The following SCFD2 variants were observed in gnomAD, a reference collection of about 807,000 sequenced individuals.
SCFD2 encodes the protein sec1 family domain-containing protein 2.
A neutral mutation model predicts 58.9 loss-of-function variants in SCFD2; 54 were observed. That is an observed-to-expected ratio of 0.92 (90% CI 0.74 to 1.15). The LOEUF (loss-of-function observed/expected upper bound fraction) is 1.15, where lower values mean the gene tolerates loss of function less well. Ranked by LOEUF, SCFD2 falls within the 50% of genes most tolerant of loss-of-function variation. The probability of loss-of-function intolerance (pLI) is 0.00; values close to 1 mark genes in which losing one functional copy is unlikely to be tolerated. For missense variants in SCFD2, 805 were observed against 836.6 expected, an observed-to-expected ratio of 0.96 and a Z score of 0.47; for synonymous variants, 321 against 335.9, an observed-to-expected ratio of 0.96 and a Z score of 0.49.
At chr4:53,220,954 A>G (rs1001550429) in intron 4 of SCFD2, among the ~76,000 whole-genome samples, 5 of 152,246 alleles carry the variant, frequency 3.3e-5, no homozygotes, top group African/African-American at 1.2e-4. Context: ...AATTAATCTC[A>G]CCTGCATCGT....
chr4:53,355,549 C>T (rs1734376590), intron 1 of SCFD2, among the ~76,000 whole-genome samples: 1 of 152,154 alleles, frequency 6.6e-6, no homozygotes, highest in South Asian at 2.1e-4. Flanking sequence ...TATTGAGGAT[C>T]TACCTCAATC....
chr4:52,897,569 T>C (rs533806753), intron 7 of SCFD2, among the ~76,000 whole-genome samples: 3 of 152,314 alleles, frequency 2.0e-5, no homozygotes, highest in East Asian at 3.9e-4. Context: ...TAGTATTTTA[T>C]TGAGGATTTT....
At chr4:53,189,622 C>G (rs1448821663) in intron 4 of SCFD2, among the ~76,000 whole-genome samples, 4 of 152,126 alleles carry the variant, frequency 2.6e-5, no homozygotes, top group African/African-American at 9.7e-5. Flanking sequence ...CCCTCATGAC[C>G]TCATCTAAAC....
intron 5 of SCFD2, among the ~76,000 whole-genome samples, chr4:53,129,513 C>T (rs1011311535): frequency 1.3e-5 from 2 of 152,202 alleles, no homozygotes; most frequent in Non-Finnish European, 2.9e-5. Context: ...ATCTTCCATT[C>T]TCACATCATA....
At chr4:53,004,112 A>G (rs967528061) in intron 5 of SCFD2, among the ~76,000 whole-genome samples, 1 of 152,254 alleles carries the variant, frequency 6.6e-6, no homozygotes, top group Non-Finnish European at 1.5e-5. Context: ...AAAAAGAAGC[A>G]GTACTTAGGT....
chr4:53,312,200 GT>G (rs973259367), intron 3 of SCFD2, among the ~76,000 whole-genome samples: 6 of 152,210 alleles, frequency 3.9e-5, no homozygotes, highest in South Asian at 4.1e-4. Context: ...CTGCTAAATT[GT>G]TTTTAGTATG....
intron 5 of SCFD2, among the ~76,000 whole-genome samples, chr4:52,972,922 G>C (rs183101117): frequency 1.3e-5 from 2 of 152,116 alleles, no homozygotes; most frequent in African/African-American, 4.8e-5. Context: ...TGACTACTGG[G>C]TACATAACAA....
intron 3 of SCFD2, among the ~76,000 whole-genome samples, chr4:53,286,661 C>A (rs1364988410): frequency 6.6e-6 from 1 of 152,174 alleles, no homozygotes; most frequent in South Asian, 2.1e-4. Context: ...GGAAACAGAG[C>A]TTTGGCTGAG....
chr4:53,197,285 T>C (rs1372845271), intron 4 of SCFD2, among the ~76,000 whole-genome samples: 1 of 152,172 alleles, frequency 6.6e-6, no homozygotes, highest in African/African-American at 2.4e-5. Flanking sequence ...AAATGCCAAA[T>C]GTAATAAGAT....
chr4:53,339,253 A>G (rs1733784275), intron 2 of SCFD2, among the ~76,000 whole-genome samples: 1 of 151,906 alleles, frequency 6.6e-6, no homozygotes, highest in African/African-American at 2.4e-5. Flanking sequence ...TATGGGAGCT[A>G]ATGTTTCTAT....
At chr4:52,922,112 T>A (rs184260886) in intron 5 of SCFD2, among the ~76,000 whole-genome samples, 1 of 152,192 alleles carries the variant, frequency 6.6e-6, no homozygotes, top group Admixed American at 6.5e-5. Flanking sequence ...CCAAATTCAG[T>A]ATTCGCACCC....
intron 5 of SCFD2, among the ~76,000 whole-genome samples, chr4:53,001,982 C>T (rs1721873830): frequency 6.6e-6 from 1 of 152,232 alleles, no homozygotes; most frequent in Admixed American, 6.5e-5. Flanking sequence ...ATTTTTTCCA[C>T]TATTTGCTAT....
At chr4:53,121,502 G>A (rs1725476628) in intron 5 of SCFD2, among the ~76,000 whole-genome samples, 1 of 152,230 alleles carries the variant, frequency 6.6e-6, no homozygotes, top group Admixed American at 6.5e-5. Context: ...AGGGCTTGCT[G>A]GTTATGAGCC....
intron 3 of SCFD2, among the ~76,000 whole-genome samples, chr4:53,306,953 A>G (rs1732534360): frequency 6.6e-6 from 1 of 152,238 alleles, no homozygotes; most frequent in Non-Finnish European, 1.5e-5. Context: ...TCTTGGCAGG[A>G]AAAAGATGGC....
intron 4 of SCFD2, among the ~76,000 whole-genome samples, chr4:53,272,694 C>A (rs2149067597): frequency 6.6e-6 from 1 of 151,042 alleles, no homozygotes; most frequent in South Asian, 2.1e-4. Flanking sequence ...CATACCGGGG[C>A]CTGTTGTGGG....
chr4:53,233,374 CCTT>C (rs1362067839), intron 4 of SCFD2, among the ~76,000 whole-genome samples: 1 of 152,156 alleles, frequency 6.6e-6, no homozygotes, highest in Non-Finnish European at 1.5e-5. Context: ...GTTGTATCCT[CCTT>C]GTTTTTCACA....
At position 53,223,705 on chromosome 4, in the gene SCFD2, G is replaced by A. The variant is rs12639785; in HGVS notation, c.1311+50121C>T. ...TTAATGCCTTTTAAAATGAGCCACC[G>A]CAAATAAGTCCACCAATGTGTTTCT... On this transcript the variant is annotated intron_variant, in intron 4 of 8. Coordinates refer to ENST00000401642, the MANE Select transcript of SCFD2 (RefSeq NM_152540.4). Among the ~76,000 whole-genome samples, 154 of 152,216 alleles carry A rather than the reference G, an allele frequency of 1.0e-3. 2 individuals are homozygous for A. The East Asian group carries it at 0.018, about 18-fold the overall frequency.
intron 5 of SCFD2, among the ~76,000 whole-genome samples, chr4:53,065,351 A>G (rs1477763271): frequency 6.6e-6 from 1 of 152,102 alleles, no homozygotes; most frequent in Non-Finnish European, 1.5e-5. Context: ...TTTAGTCTAA[A>G]TATGAAAGGA....
In SCFD2 at chr4:53,312,375, G is replaced by A. The variant is rs183604260; in HGVS notation, c.1135+1261C>T. 2.0e-5 allele frequency among the ~76,000 whole-genome samples: 3 copies of A among 152,144 alleles called. No individual in the cohort carries two copies. In the East Asian group the frequency reaches 5.8e-4, roughly 29 times the overall value. On this transcript the variant is annotated intron_variant, in intron 3 of 8. Coordinates refer to ENST00000401642, the MANE Select transcript of SCFD2 (RefSeq NM_152540.4). ...CAGTCCTACCACTTATCAGATATAT[G>A]GCCTTGGGCAACTTATTTTTCTGTT...
Sources: gnomAD v4.1 joint callset for allele counts (sites outside exome capture counted in the v4.1 genomes callset) on GRCh38, gnomAD v4.1.1 for gene constraint, MANE v1.5 for transcripts, NCBI Gene and HGNC (gene_info 2026-07-23, HGNC 2026-07-21) for gene names.